The following KLF12 variants were observed in gnomAD, a reference collection of about 807,000 sequenced individuals.
KLF12 encodes the protein KLF transcription factor 12, also known as Krueppel-like factor 12.
KLF12 carries 9 observed loss-of-function variants against 37.8 expected under a neutral mutation model. The ratio of observed to expected loss-of-function variants is 0.24; its 90% CI spans 0.14 to 0.42. The LOEUF is 0.42. Among genes scored for constraint, KLF12 ranks in the 10% least tolerant of loss-of-function variants. The pLI, the probability that KLF12 is intolerant of heterozygous loss-of-function variation, is 1.00. For synonymous variants in KLF12, 208 were observed against 202.1 expected (o/e 1.03, Z -0.25); for missense variants, 411 against 516.0 (o/e 0.80, Z 1.97).
chr13:74,252,248 C>G, the KLF12 span, among the ~76,000 whole-genome samples: 1 of 152,150 alleles, frequency 6.6e-6, no homozygotes, highest in Non-Finnish European at 1.5e-5. Context: ...TGCCAAGGAC[C>G]CTTAGGTAGG....
chr13:74,041,858 A>G (rs1468885772), intron 1 of KLF12, among the ~76,000 whole-genome samples: 1 of 152,198 alleles, frequency 6.6e-6, no homozygotes. Flanking sequence ...TATTCAAGCT[A>G]TATAAATACC....
the KLF12 span, among the ~76,000 whole-genome samples, chr13:74,232,148 G>A: frequency 1.3e-3 from 199 of 152,258 alleles, 1 homozygote; most frequent in African/African-American, 4.5e-3. Context: ...GAGGTTGTGG[G>A]ACAGTGTGGG....
chr13:74,187,328 GAA>G, the KLF12 span, among the ~76,000 whole-genome samples: 1 of 132,748 alleles, frequency 7.5e-6, no homozygotes. Flanking sequence ...TGTCTCAAAA[GAA>G]AAAAAAAAAA....
At chr13:73,994,459 C>T (rs1474300441) in intron 2 of KLF12, among the ~76,000 whole-genome samples, 2 of 88,292 alleles carry the variant, frequency 2.3e-5, no homozygotes, top group Non-Finnish European at 5.9e-5. Flanking sequence ...TGTTGAAATT[C>T]ACAGCGCCCC....
intron 1 of KLF12, among the ~76,000 whole-genome samples, chr13:74,027,106 G>T (rs148595201): frequency 6.6e-6 from 1 of 152,084 alleles, no homozygotes; most frequent in Non-Finnish European, 1.5e-5. Context: ...GAATAGAAAA[G>T]AACAATGGGA....
At chr13:73,809,606 A>G (rs578043618) in intron 5 of KLF12, among the ~76,000 whole-genome samples, 180 of 143,366 alleles carry the variant, frequency 1.3e-3, no homozygotes, top group African/African-American at 3.3e-3. Context: ...TAAAAATTCT[A>G]TAACAATTAT....
rs545104639 is a variant in KLF12 at position 73,964,718 on chromosome 13, T to A, written c.34-20648A>T. ...ATCAGAAGCTGGACATGGTGGCTCA[T>A]GCCTATAAATCCCAGCACTTTGGGA... is the stretch of plus-strand genomic sequence containing the variant. On this transcript the variant is annotated intron_variant, in intron 2 of 7. Coordinates refer to ENST00000377669, the MANE Select transcript of KLF12 (RefSeq NM_007249.5). Among the ~76,000 whole-genome samples, 138 of 152,024 alleles carry A rather than the reference T, an allele frequency of 9.1e-4. 1 individual carries two copies. Among genetic ancestry groups the A allele is most frequent in the Admixed American group, 1.8e-3 (27 of 15,256 alleles).
the KLF12 span, among the ~76,000 whole-genome samples, chr13:74,218,467 GACATACTA>G: frequency 6.6e-6 from 1 of 152,154 alleles, no homozygotes. Context: ...GCAGGTGAAA[GACATACTA>G]ACTGCCCCCG....
Position 73,975,636 on chromosome 13 carries a change from C to A in KLF12, c.33+19354G>T, listed in dbSNP as rs113735820. On this transcript the variant is annotated intron_variant, in intron 2 of 7. Coordinates refer to ENST00000377669, the MANE Select transcript of KLF12 (RefSeq NM_007249.5). ...TTTCCGAAAGCTCCTCACAAACACA[C>A]CTTCTTAGGTTATAAGTCTCATTAT... 6.4e-4 allele frequency among the ~76,000 whole-genome samples: 97 copies of A among 152,290 alleles called. No homozygotes were observed. The East Asian group carries it at 0.017, about 27-fold the overall frequency.
At chr13:73,869,698 T>G (rs1886375103) in intron 3 of KLF12, among the ~76,000 whole-genome samples, 1 of 152,070 alleles carries the variant, frequency 6.6e-6, no homozygotes, top group African/African-American at 2.4e-5. Flanking sequence ...AACTTGTAAT[T>G]ACTCTTTAAT....
chr13:74,201,380 C>G, the KLF12 span, among the ~76,000 whole-genome samples: 6 of 152,146 alleles, frequency 3.9e-5, no homozygotes, highest in Middle Eastern at 3.4e-3. Context: ...AATCCTTTTC[C>G]TTTTCTTCCC....
chr13:73,845,383 A>G (rs545101738), intron 4 of KLF12, among the ~76,000 whole-genome samples: 8 of 152,328 alleles, frequency 5.3e-5, no homozygotes, highest in African/African-American at 1.9e-4. Flanking sequence ...ACAACATTGT[A>G]TATTATTATC....
At chr13:74,119,652 T>C (rs1877509369) in intron 1 of KLF12, among the ~76,000 whole-genome samples, 1 of 152,134 alleles carries the variant, frequency 6.6e-6, no homozygotes, top group South Asian at 2.1e-4. Flanking sequence ...ATACAAATTA[T>C]TCAGACTAAA....
At chr13:74,152,773 AC>A in the KLF12 span, among the ~76,000 whole-genome samples, 4 of 151,452 alleles carry the variant, frequency 2.6e-5, no homozygotes, top group Non-Finnish European at 4.4e-5. Flanking sequence ...AGTCCCAGCT[AC>A]TTAGGAGGCT....
chr13:73,855,249 AC>A (rs1885544011), intron 3 of KLF12, among the ~76,000 whole-genome samples: 1 of 151,854 alleles, frequency 6.6e-6, no homozygotes, highest in Non-Finnish European at 1.5e-5. Context: ...CTTGCCTCCC[AC>A]CCCCAATAGT....
chr13:74,025,204 C>T (rs1235150819), intron 1 of KLF12, among the ~76,000 whole-genome samples: 1 of 151,874 alleles, frequency 6.6e-6, no homozygotes, highest in Non-Finnish European at 1.5e-5. Flanking sequence ...CTTTGTTTGA[C>T]AGCTATGTTT....
chr13:74,249,788 T>C, the KLF12 span, among the ~76,000 whole-genome samples: 1 of 152,198 alleles, frequency 6.6e-6, no homozygotes, highest in African/African-American at 2.4e-5. Flanking sequence ...AATTTTTTAA[T>C]ATATGAATAT....
At chr13:74,006,566 A>C (rs1308464039) in intron 1 of KLF12, among the ~76,000 whole-genome samples, 3 of 152,244 alleles carry the variant, frequency 2.0e-5, no homozygotes, top group Non-Finnish European at 4.4e-5. Context: ...GGAGATTTAC[A>C]GCCAAGACTG....
chr13:73,826,854 T>C (rs1376180328), intron 4 of KLF12, among the ~76,000 whole-genome samples: 1 of 152,142 alleles, frequency 6.6e-6, no homozygotes, highest in Non-Finnish European at 1.5e-5. Flanking sequence ...TGATCTCGGC[T>C]CACTGTAGAC....
Sources: gnomAD v4.1 joint callset for allele counts (sites outside exome capture counted in the v4.1 genomes callset) on GRCh38, gnomAD v4.1.1 for gene constraint, MANE v1.5 for transcripts, NCBI Gene and HGNC (gene_info 2026-07-23, HGNC 2026-07-21) for gene names.